Variants in GPR55 observed in about 807,000 individuals in gnomAD.
The protein encoded by GPR55 is G protein-coupled receptor 55.
A neutral mutation model predicts 7.9 loss-of-function variants in GPR55; 6 were observed. The observed-to-expected ratio is 0.76, with a 90% CI of 0.41 to 1.49. GPR55 has a LOEUF of 1.49. Ranked by LOEUF, GPR55 falls within the 40% of genes most tolerant of loss-of-function variation. The pLI is 0.01. For synonymous variants in GPR55, 183 were observed against 166.8 expected (o/e 1.10, Z -0.75); for missense variants, 376 against 406.0 (o/e 0.93, Z 0.63).
intron 1 of GPR55, among the ~76,000 whole-genome samples, chr2:230,952,170 A>C (rs1427571088): frequency 6.6e-6 from 1 of 152,226 alleles, no homozygotes; most frequent in Non-Finnish European, 1.5e-5. Flanking sequence ...ACCCTCCTGC[A>C]GGCAGCAGGC....
At chr2:230,935,566 A>AAC (rs375065622) in intron 1 of GPR55, among the ~76,000 whole-genome samples, 4 of 152,062 alleles carry the variant, frequency 2.6e-5, no homozygotes, top group Non-Finnish European at 5.9e-5. Flanking sequence ...TCCAGATGTC[A>AAC]ACACACACAC....
At chr2:230,915,258 A>G (rs890620318) in intron 1 of GPR55, among the ~76,000 whole-genome samples, 18 of 152,214 alleles carry the variant, frequency 1.2e-4, no homozygotes, top group African/African-American at 3.9e-4. Flanking sequence ...GCACCCCTGC[A>G]TAGCTGCCAA....
At chr2:230,957,148 T>A (rs935196762) in intron 1 of GPR55, among the ~76,000 whole-genome samples, 33 of 152,206 alleles carry the variant, frequency 2.2e-4, no homozygotes, top group Non-Finnish European at 2.9e-5. Flanking sequence ...TCTTTACAAT[T>A]TCAGAATTAG....
intron 1 of GPR55, among the ~76,000 whole-genome samples, chr2:230,950,269 T>G (rs778988595): frequency 1.4e-4 from 21 of 152,258 alleles, no homozygotes; most frequent in Non-Finnish European, 2.6e-4. Context: ...CTGCACATGA[T>G]GTGGCAGAAT....
intron 1 of GPR55, among the ~76,000 whole-genome samples, chr2:230,912,655 G>A (rs1177220505): frequency 2.6e-5 from 4 of 152,166 alleles, no homozygotes; most frequent in Non-Finnish European, 5.9e-5. Flanking sequence ...GACCAGGCTG[G>A]TCTTGAACTC....
At chr2:230,931,522 G>A (rs1315533056) in intron 1 of GPR55, among the ~76,000 whole-genome samples, 2 of 152,144 alleles carry the variant, frequency 1.3e-5, no homozygotes, top group East Asian at 3.8e-4. Context: ...ACCCCATGAG[G>A]CAGGACCCAC....
At position 230,907,883 on chromosome 2, in the gene GPR55, A is replaced by C. The variant is rs1690489665; in HGVS notation, c.*2120T>G. On this transcript the variant is annotated 3_prime_UTR_variant, in exon 2 of 2. Transcript: ENST00000650999. ...GGCCTTAAGCACATTGGTAGACCCA[A>C]GTGCACATGACGGGCATCACTCAAC... 6.6e-6 allele frequency: 1 copy of C among 152,114 alleles called. No individual in the cohort carries two copies. The highest frequency in any genetic ancestry group is 2.4e-5 in the African/African-American group (1 of 41,412). 9.4% of individuals were successfully genotyped at this position (152,114 alleles called of 1,614,324 possible).
At chr2:230,912,302 C>A (rs560896704) in intron 1 of GPR55, among the ~76,000 whole-genome samples, 53 of 152,350 alleles carry the variant, frequency 3.5e-4, no homozygotes, top group African/African-American at 1.3e-3. Context: ...GCCTCTCCCA[C>A]CTCCCATGAC....
At chr2:230,914,992 C>G (rs987911704) in intron 1 of GPR55, among the ~76,000 whole-genome samples, 1 of 152,248 alleles carries the variant, frequency 6.6e-6, no homozygotes, top group African/African-American at 2.4e-5. Flanking sequence ...GGACTTCAGA[C>G]AGCAGTGCAG....
upstream of GPR55, among the ~76,000 whole-genome samples, chr2:230,926,012 T>C (rs148546400): frequency 1.2e-4 from 19 of 152,280 alleles, no homozygotes; most frequent in African/African-American, 4.6e-4. Context: ...GGGCTGAAAC[T>C]ACCCCGGCAG....
chr2:230,960,571 C>T (rs1487347115), intron 1 of GPR55, among the ~76,000 whole-genome samples: 1 of 152,044 alleles, frequency 6.6e-6, no homozygotes, highest in Non-Finnish European at 1.5e-5. Flanking sequence ...ACGAATACTT[C>T]TGAATGACAA....
chr2:230,920,321 C>T (rs1690804664), intron 1 of GPR55, among the ~76,000 whole-genome samples: 1 of 152,042 alleles, frequency 6.6e-6, no homozygotes, highest in South Asian at 2.1e-4. Context: ...ATTGAATTCA[C>T]CAAAGCTCAG....
At position 230,944,799 on chromosome 2, in the gene GPR55, C is replaced by T. The variant is rs779366830; in HGVS notation, c.-135+15976G>A. Among the ~76,000 whole-genome samples, 1 of 152,218 alleles carries T rather than the reference C, an allele frequency of 6.6e-6. No homozygotes were observed. The highest frequency in any genetic ancestry group is 1.5e-5 in the Non-Finnish European group (1 of 68,040). Reference sequence around the variant, plus strand: ...CATCCTGATTCTTCAGGCCTGGCCACGGTATCAAAGACAAGGAAGGCCCAT... The same window carrying T: ...CATCCTGATTCTTCAGGCCTGGCCATGGTATCAAAGACAAGGAAGGCCCAT... On this transcript the variant is annotated intron_variant, in intron 1 of 1. Transcript: ENST00000392039. This position sits in a 1 kb window ranked among gnomAD's most constrained non-coding sequence, Gnocchi z 4.2.
chr2:230,911,134 T>A (rs1320193103), intron 1 of GPR55, 38 bp from the exon 2 acceptor site: 1 of 634,998 alleles, frequency 1.6e-6, no homozygotes, highest in East Asian at 2.7e-5. Flanking sequence ...TTAATCCTGC[T>A]GCCCAGATGC....
chr2:230,939,245 A>G (rs746535019), intron 1 of GPR55, among the ~76,000 whole-genome samples: 1 of 152,186 alleles, frequency 6.6e-6, no homozygotes, highest in Non-Finnish European at 1.5e-5. Flanking sequence ...GAGCTGTGCC[A>G]TTGATCTCCT....
At chr2:230,926,939 C>T (rs897754866), upstream of GPR55, among the ~76,000 whole-genome samples, 4 of 152,196 alleles carry the variant, frequency 2.6e-5, no homozygotes, top group African/African-American at 9.6e-5. Context: ...GATTCACCCA[C>T]CTCGGCCTCC....
rs537962547 is a variant in GPR55, at chr2:230,933,192, C to G, written c.-134-22096G>C. Among the ~76,000 whole-genome samples the G allele has an allele frequency of 5.9e-3, 402 of 67,626 alleles. 5 individuals carry two copies. The highest frequency in any genetic ancestry group is 0.029 in the African/African-American group (378 of 13,222). The allele number at this position is 67,626 out of a possible 152,430, so 44.4% of individuals were successfully genotyped here. On this transcript the variant is annotated intron_variant, in intron 1 of 1. Coordinates refer to the GPR55 transcript ENST00000392039. ...AGTCCCCTGCCCCGCCCAGCTCCCCCCTTCCCTCCGCCCTCTCTGCCTGGC... is the reference window on the plus strand; with the variant it reads ...AGTCCCCTGCCCCGCCCAGCTCCCCGCTTCCCTCCGCCCTCTCTGCCTGGC...
At chr2:230,928,589 AGT>A (rs1305372232), upstream of GPR55, 1 of 152,180 alleles carries the variant, frequency 6.6e-6, no homozygotes, top group Non-Finnish European at 1.5e-5. Flanking sequence ...AACAGGGGTA[AGT>A]GTACCCAGGA....
chr2:230,920,030 G>A (rs1355841452), intron 1 of GPR55, among the ~76,000 whole-genome samples: 1 of 151,164 alleles, frequency 6.6e-6, no homozygotes, highest in Admixed American at 6.6e-5. Flanking sequence ...CCAACCAGTG[G>A]TTGCATTCTA....
Sources: gnomAD v4.1 joint callset for allele counts (sites outside exome capture counted in the v4.1 genomes callset) on GRCh38, gnomAD v4.1.1 for gene constraint, Gnocchi (gnomAD v3.1) non-coding constraint, MANE v1.5 for transcripts, NCBI Gene and HGNC (gene_info 2026-07-23, HGNC 2026-07-21) for gene names.